Variants in UBAC2 observed in about 807,000 individuals in gnomAD.
UBAC2 encodes the protein ubiquitin-associated domain-containing protein 2.
In UBAC2, 26 loss-of-function variants were observed where a neutral mutation model predicts 44.0. The observed-to-expected ratio is 0.59, with a 90% confidence interval of 0.43 to 0.82. The LOEUF (loss-of-function observed/expected upper bound fraction) is 0.82, where lower values mean the gene tolerates loss of function less well. Ranked by LOEUF, UBAC2 falls within the 40% of genes least tolerant of loss-of-function variation. The pLI, the probability that UBAC2 is intolerant of heterozygous loss-of-function variation, is 0.00. For synonymous variants in UBAC2, 155 were observed against 154.3 expected, an observed-to-expected ratio of 1.00 and a Z score of -0.04; for missense variants, 329 against 419.4, an observed-to-expected ratio of 0.78 and a Z score of 1.88.
intron 4 of UBAC2, among the ~76,000 whole-genome samples, chr13:99,259,521 A>G (rs2043625457): frequency 1.3e-5 from 2 of 152,206 alleles, no homozygotes; most frequent in Non-Finnish European, 2.9e-5. Context: ...AAGAAATTGA[A>G]GGCCAGTTAC....
At chr13:99,362,621 T>C (rs999219664) in intron 7 of UBAC2, among the ~76,000 whole-genome samples, 1 of 152,262 alleles carries the variant, frequency 6.6e-6, no homozygotes, top group Non-Finnish European at 1.5e-5. Flanking sequence ...TATCTTTTCA[T>C]ATGTTTCTTG....
At chr13:99,310,693 T>G (rs1350420486) in intron 4 of UBAC2, among the ~76,000 whole-genome samples, 1 of 152,254 alleles carries the variant, frequency 6.6e-6, no homozygotes, top group Non-Finnish European at 1.5e-5. Flanking sequence ...TAAAGGAGTT[T>G]TTAAACTTCT....
intron 7 of UBAC2, among the ~76,000 whole-genome samples, chr13:99,360,710 A>G (rs1014209842): frequency 2.6e-5 from 4 of 151,902 alleles, no homozygotes; most frequent in Non-Finnish European, 4.4e-5. Flanking sequence ...CCCCAGCCCC[A>G]TCCTCTTGGA....
chr13:99,231,619 C>T (rs2043174131), intron 1 of UBAC2: 2 of 151,908 alleles, frequency 1.3e-5, no homozygotes, highest in African/African-American at 4.8e-5. Flanking sequence ...CCATGTTGAC[C>T]AGGCTGGTCT....
At chr13:99,298,483 G>A (rs970714615) in intron 4 of UBAC2, among the ~76,000 whole-genome samples, 7 of 152,138 alleles carry the variant, frequency 4.6e-5, no homozygotes, top group African/African-American at 1.7e-4. Context: ...ACTGTGGGAT[G>A]CAGATAAGGC....
intron 1 of UBAC2, among the ~76,000 whole-genome samples, chr13:99,202,220 G>C (rs771315891): frequency 8.5e-5 from 13 of 152,120 alleles, no homozygotes; most frequent in Non-Finnish European, 1.9e-4. Context: ...CTCAGGTTTT[G>C]AAGTGGTTTC....
chr13:99,277,391 G>A (rs1328673898), intron 4 of UBAC2, among the ~76,000 whole-genome samples: 1 of 152,102 alleles, frequency 6.6e-6, no homozygotes, highest in African/African-American at 2.4e-5. Flanking sequence ...CGAGCATGGT[G>A]GCACATGCCT....
chr13:99,338,513 T>C lies in UBAC2; in HGVS notation c.562-1807T>C, dbSNP rs753435309. The stretch of plus-strand genomic sequence containing the variant: ...GACTCTCTGCAGGCATTTGGACTTA[T>C]ATGCTGCTTATATGCAGAGTGGTTT... On this transcript the variant is annotated intron_variant, in intron 6 of 8. Transcript: ENST00000403766. 7.9e-4 allele frequency among the ~76,000 whole-genome samples: 120 copies of C among 152,256 alleles called. 1 individual carries two copies. The highest frequency in any genetic ancestry group is 3.4e-4 in the Non-Finnish European group (23 of 68,048).
chr13:99,254,923 G>C, intron 4 of UBAC2: 1 of 1,614,050 alleles, frequency 6.2e-7, no homozygotes, highest in East Asian at 2.2e-5. Context: ...TAGACTACCA[G>C]ATCGGAAACT....
At chr13:99,360,993 C>CCCT in intron 7 of UBAC2, among the ~76,000 whole-genome samples, 1 of 152,318 alleles carries the variant, frequency 6.6e-6, no homozygotes, top group East Asian at 1.9e-4. Flanking sequence ...CTAATGTAGA[C>CCCT]ACTGCCTGAC....
Position 99,267,308 on chromosome 13 carries a change from C to T in UBAC2, c.389+22684C>T, listed in dbSNP as rs770918432. On this transcript the variant is annotated intron_variant, in intron 4 of 8. Coordinates refer to ENST00000403766, the MANE Select transcript of UBAC2 (RefSeq NM_001144072.2). ...TTTGCAAATATTTTTTCTCTTACTC[C>T]GTAGGGTGCCTCTTTTCTTTGTTGA... 3.9e-5 allele frequency among the ~76,000 whole-genome samples: 6 copies of T among 152,212 alleles called. No homozygotes were observed. The South Asian group carries it at 8.3e-4, about 21-fold the overall frequency.
At chr13:99,225,460 A>G (rs528223003) in intron 1 of UBAC2, among the ~76,000 whole-genome samples, 2 of 152,340 alleles carry the variant, frequency 1.3e-5, no homozygotes, top group South Asian at 4.1e-4. Context: ...CTCAAGGTTC[A>G]TGCATGTTGT....
At chr13:99,373,134 T>G (rs2045430605) in intron 8 of UBAC2, among the ~76,000 whole-genome samples, 1 of 149,986 alleles carries the variant, frequency 6.7e-6, no homozygotes. Context: ...ATAATAATAA[T>G]AAGTATATCC....
rs147034568 is a variant in UBAC2 at position 99,314,112 on chromosome 13, T to C, written c.405T>C (p.Phe135=). The C allele has an allele frequency of 7.5e-6, 12 of 1,610,418 alleles. No individual in the cohort carries two copies. The African/African-American group carries it at 1.5e-4, about 20-fold the overall frequency. Residue 135 remains phenylalanine, a synonymous_variant, in exon 5 of 9, where the codon TTT becomes TTC. Transcript: ENST00000403766. ...NLPSGFLAPV[F]ALFVPFYCSI... ...GTTTGCATAGCCTGGCACCTGTGTT[T>C]GCTCTGTTTGTACCATTTTACTGCT...
At chr13:99,223,374 C>A (rs1304289506) in intron 1 of UBAC2, among the ~76,000 whole-genome samples, 1 of 151,994 alleles carries the variant, frequency 6.6e-6, no homozygotes, top group Non-Finnish European at 1.5e-5. Context: ...TTGTCCTGAT[C>A]ATTTCTGCTA....
At chr13:99,247,166 G>A (rs2142746580) in intron 4 of UBAC2, among the ~76,000 whole-genome samples, 1 of 151,290 alleles carries the variant, frequency 6.6e-6, no homozygotes, top group Non-Finnish European at 1.5e-5. Context: ...TGGTAGCAAA[G>A]CTTCAAAAAC....
chr13:99,256,601 A>G (rs1206548624), intron 4 of UBAC2: 1 of 152,174 alleles, frequency 6.6e-6, no homozygotes, highest in African/African-American at 2.4e-5. Flanking sequence ...TTTAAATTTT[A>G]ACAATTTTCA....
At chr13:99,353,652 C>T (rs1360916105) in intron 7 of UBAC2, among the ~76,000 whole-genome samples, 1 of 152,132 alleles carries the variant, frequency 6.6e-6, no homozygotes, top group Non-Finnish European at 1.5e-5. Context: ...TAGAGATGTA[C>T]TCTGGAGCAG....
intron 6 of UBAC2, 51 bp from the exon 7 acceptor site, chr13:99,340,269 T>C (rs374608032): frequency 6.6e-5 from 105 of 1,595,100 alleles, no homozygotes; most frequent in Non-Finnish European, 8.3e-5. Context: ...CGTGTACATT[T>C]TTTAAAATAA....
Sources: gnomAD v4.1 joint callset for allele counts (sites outside exome capture counted in the v4.1 genomes callset) on GRCh38, gnomAD v4.1.1 for gene constraint, MANE v1.5 for transcripts, NCBI Gene and HGNC (gene_info 2026-07-23, HGNC 2026-07-21) for gene names.